CASTOR2: variants seen among roughly 807,000 people sequenced by gnomAD.
CASTOR2 encodes the protein GATS protein like 2.
In CASTOR2, 8 loss-of-function variants were observed where a neutral mutation model predicts 31.2. The ratio of observed to expected loss-of-function variants is 0.26; its 90% CI spans 0.15 to 0.46. The LOEUF (loss-of-function observed/expected upper bound fraction) is 0.46. CASTOR2 is among the 20% of genes least tolerant of loss of function. The pLI, the probability that CASTOR2 is intolerant of heterozygous loss-of-function variation, is 0.99. For missense variants in CASTOR2, 216 were observed against 382.1 expected, an observed-to-expected ratio of 0.57 and a Z score of 3.62; for synonymous variants, 162 against 158.7, an observed-to-expected ratio of 1.02 and a Z score of -0.16.
intron 1 of CASTOR2, among the ~76,000 whole-genome samples, chr7:74,991,442 C>T (rs1321251129): frequency 6.6e-6 from 1 of 152,120 alleles, no homozygotes; most frequent in Non-Finnish European, 1.5e-5. Flanking sequence ...CCACCCCACC[C>T]CAGGCCAGGA....
intron 1 of CASTOR2, among the ~76,000 whole-genome samples, chr7:74,995,578 C>T (rs1380818446): frequency 4.1e-5 from 6 of 145,624 alleles, no homozygotes; most frequent in African/African-American, 7.8e-5. Context: ...GAGGCCGTGG[C>T]GGGCGGGTCA....
At chr7:74,987,545 G>C (rs1423485927) in intron 1 of CASTOR2, among the ~76,000 whole-genome samples, 2 of 152,186 alleles carry the variant, frequency 1.3e-5, no homozygotes, top group Non-Finnish European at 2.9e-5. Flanking sequence ...GGCAGGGACA[G>C]GTGGCCCAAG....
At chr7:75,013,345 GTTC>G (rs1328695437) in intron 2 of CASTOR2, among the ~76,000 whole-genome samples, 2 of 152,182 alleles carry the variant, frequency 1.3e-5, no homozygotes, top group African/African-American at 4.8e-5. Flanking sequence ...CAATGTGAAC[GTTC>G]TTAAGAGATT....
intron 1 of CASTOR2, among the ~76,000 whole-genome samples, chr7:74,987,403 G>GAA (rs1211864183): frequency 1.3e-4 from 12 of 91,682 alleles, no homozygotes; most frequent in Admixed American, 2.3e-4. Context: ...GTCTCAAAAA[G>GAA]AAAAAAAAAA....
intron 1 of CASTOR2, among the ~76,000 whole-genome samples, chr7:74,990,791 G>A (rs1275809393): frequency 3.9e-4 from 60 of 152,330 alleles, no homozygotes; most frequent in Non-Finnish European, 8.2e-4. Context: ...GGAGGCAGAG[G>A]TTGCAGGGAG....
intron 1 of CASTOR2, among the ~76,000 whole-genome samples, chr7:74,995,716 G>A (rs1270265226): frequency 2.6e-5 from 4 of 151,856 alleles, no homozygotes; most frequent in Non-Finnish European, 5.9e-5. Context: ...GCTGAGGCAG[G>A]AGAATGGCAT....
intron 1 of CASTOR2, among the ~76,000 whole-genome samples, chr7:74,993,326 G>T (rs1347902056): frequency 6.3e-4 from 96 of 152,200 alleles, no homozygotes; most frequent in Non-Finnish European, 1.1e-3. Flanking sequence ...GGCTGGGCCA[G>T]TCTCTGTTCA....
At chr7:74,986,442 A>G (rs1385047542) in intron 1 of CASTOR2, among the ~76,000 whole-genome samples, 1 of 150,970 alleles carries the variant, frequency 6.6e-6, no homozygotes, top group African/African-American at 2.4e-5. Context: ...GTGAGCCAAG[A>G]TCGTGCCACT....
chr7:75,024,422 C>G lies in CASTOR2; in HGVS notation c.830-18C>G. 1 of 1,551,414 alleles carries G rather than the reference C, an allele frequency of 6.4e-7. No individual in the cohort carries two copies. The highest frequency in any genetic ancestry group is 8.7e-7 in the Non-Finnish European group (1 of 1,146,726). On this transcript the variant is annotated intron_variant, in intron 7 of 8. Transcript: ENST00000616305. ...AGCCAGGTTACACAGAGGCTAAGGA[C>G]GGTCTCTCCTGTTCTAGATGAGTGT... is the stretch of plus-strand genomic sequence containing the variant.
intron 1 of CASTOR2, among the ~76,000 whole-genome samples, chr7:74,977,789 T>TGGA (rs1803855915): frequency 2.0e-5 from 3 of 150,374 alleles, no homozygotes; most frequent in African/African-American, 7.3e-5. Context: ...CAATCCTCCC[T>TGGA]GCCTCAGCCC....
At chr7:74,967,267 TG>T (rs1285385860) in intron 1 of CASTOR2, among the ~76,000 whole-genome samples, 1 of 104,380 alleles carries the variant, frequency 9.6e-6, no homozygotes, top group Non-Finnish European at 2.1e-5. Flanking sequence ...TAGCACTATT[TG>T]GCCCCCTCAT....
At chr7:75,007,914 T>C in intron 1 of CASTOR2, 80 bp from the exon 2 acceptor site, 1 of 1,607,184 alleles carries the variant, frequency 6.2e-7, no homozygotes, top group Non-Finnish European at 8.5e-7. Flanking sequence ...TGAGTCATCA[T>C]CCCCAGGGCA....
At chr7:75,014,419 CAA>C (rs1193842037) in intron 2 of CASTOR2, among the ~76,000 whole-genome samples, 21 of 57,552 alleles carry the variant, frequency 3.6e-4, no homozygotes, top group South Asian at 5.6e-4. Context: ...ACTAAAAATA[CAA>C]AAAAAAAAAA....
At chr7:74,984,483 A>T (rs1254384999) in intron 1 of CASTOR2, among the ~76,000 whole-genome samples, 60 of 152,190 alleles carry the variant, frequency 3.9e-4, no homozygotes, top group African/African-American at 1.4e-3. Context: ...GTTGCCTGGG[A>T]GAGTTGAAAT....
intron 1 of CASTOR2, among the ~76,000 whole-genome samples, chr7:75,005,623 T>C (rs1184518204): frequency 2.0e-5 from 3 of 152,222 alleles, no homozygotes; most frequent in African/African-American, 7.2e-5. Flanking sequence ...CGGGCACCTG[T>C]TCTCACTTCT....
intron 1 of CASTOR2, among the ~76,000 whole-genome samples, chr7:74,987,403 GAAAAA>G (rs1211864183): frequency 1.1e-5 from 1 of 91,644 alleles, no homozygotes; most frequent in Non-Finnish European, 2.4e-5. Context: ...GTCTCAAAAA[GAAAAA>G]AAAAAAAAAA....
chr7:74,971,947 C>T (rs1214796071), intron 1 of CASTOR2, among the ~76,000 whole-genome samples: 65 of 149,056 alleles, frequency 4.4e-4, no homozygotes, highest in African/African-American at 1.6e-3. Context: ...TCCCAGAGTC[C>T]CCTCTGTTTT....
chr7:74,994,509 G>C (rs1363413085), intron 1 of CASTOR2, among the ~76,000 whole-genome samples: 1 of 152,162 alleles, frequency 6.6e-6, no homozygotes, highest in Admixed American at 6.6e-5. Flanking sequence ...CCAGCACTTT[G>C]GGGGGCCGAG....
intron 6 of CASTOR2, among the ~76,000 whole-genome samples, chr7:75,020,976 T>C (rs1804984762): frequency 6.6e-6 from 1 of 151,742 alleles, no homozygotes. Flanking sequence ...TTTGTATTTT[T>C]ATTTTATTTT....
Sources: gnomAD v4.1 joint callset for allele counts (sites outside exome capture counted in the v4.1 genomes callset) on GRCh38, gnomAD v4.1.1 for gene constraint, MANE v1.5 for transcripts, NCBI Gene and HGNC (gene_info 2026-07-23, HGNC 2026-07-21) for gene names.